The following EGFR variants were observed in gnomAD, a reference collection of about 807,000 sequenced individuals.
The protein encoded by EGFR is epidermal growth factor receptor.
EGFR carries 58 observed loss-of-function variants against 143.0 expected under a neutral mutation model. That is an observed-to-expected ratio of 0.41 (90% CI 0.33 to 0.50). EGFR has a LOEUF of 0.50. Ranked by LOEUF, EGFR falls within the 20% of genes least tolerant of loss-of-function variation. The pLI is 0.39. For synonymous variants in EGFR, 613 were observed against 594.4 expected, an observed-to-expected ratio of 1.03 and a Z score of -0.45; for missense variants, 1,307 against 1,579.0, an observed-to-expected ratio of 0.83 and a Z score of 2.92.
At chr7:55,176,546 C>A (rs1270909698) in intron 19 of EGFR, among the ~76,000 whole-genome samples, 2 of 151,860 alleles carry the variant, frequency 1.3e-5, no homozygotes, top group African/African-American at 4.8e-5. Flanking sequence ...ATACTGAGAC[C>A]CAGTCTCTAC....
chr7:55,115,440 C>T (rs553264884), intron 1 of EGFR, among the ~76,000 whole-genome samples: 97 of 152,220 alleles, frequency 6.4e-4, no homozygotes, highest in African/African-American at 2.3e-3. Flanking sequence ...TTCATGAGTT[C>T]GTTTTAACAT....
chr7:55,030,273 G>A (rs1245683184), intron 1 of EGFR, among the ~76,000 whole-genome samples: 2 of 152,206 alleles, frequency 1.3e-5, no homozygotes, highest in African/African-American at 4.8e-5. Context: ...GCTAAATAAA[G>A]TATTCCTCAA....
At chr7:55,089,017 G>T (rs1790939150) in intron 1 of EGFR, among the ~76,000 whole-genome samples, 1 of 152,188 alleles carries the variant, frequency 6.6e-6, no homozygotes, top group Non-Finnish European at 1.5e-5. Flanking sequence ...AGTTGTGGAA[G>T]AATCCTTCCA....
intron 1 of EGFR, among the ~76,000 whole-genome samples, chr7:55,102,091 C>T (rs557624648): frequency 2.0e-5 from 3 of 152,252 alleles, no homozygotes; most frequent in East Asian, 1.9e-4. Flanking sequence ...CCTCTCTGAA[C>T]GTGTTCCCTG....
intron 4 of EGFR, among the ~76,000 whole-genome samples, chr7:55,147,684 T>A (rs981003232): frequency 1.3e-5 from 2 of 152,230 alleles, no homozygotes; most frequent in Non-Finnish European, 2.9e-5. Flanking sequence ...GCATTATACA[T>A]CCACATGGGT....
chr7:55,143,340 C>T lies in EGFR; in HGVS notation c.276C>T (p.Ala92=), dbSNP rs1213870405. 3.7e-6 allele frequency: 6 copies of T among 1,614,192 alleles called. No individual in the cohort carries two copies. The highest frequency in any genetic ancestry group is 5.1e-6 in the Non-Finnish European group (6 of 1,180,044). Residue 92 remains alanine (A), a synonymous_variant, in exon 3 of 28, where the codon GCC becomes GCT. Transcript: ENST00000275493. ...IQEVAGYVLI[A]LNTVERIPLE... is the part of the protein sequence containing the mutation. ...AGGTGGCTGGTTATGTCCTCATTGCCCTCAACACAGTGGAGCGAATTCCTT... is the reference window on the plus strand; with the variant it reads ...AGGTGGCTGGTTATGTCCTCATTGCTCTCAACACAGTGGAGCGAATTCCTT...
chr7:55,204,376 C>T (rs1423575023), intron 27 of EGFR, among the ~76,000 whole-genome samples: 1 of 149,048 alleles, frequency 6.7e-6, no homozygotes, highest in Non-Finnish European at 1.5e-5. Flanking sequence ...ACCACACAGA[C>T]ACCACACATG....
Position 55,206,502 on chromosome 7 carries a change from G to A in EGFR, c.*885G>A, listed in dbSNP as rs1310676354. 8.6e-6 allele frequency: 2 copies of A among 233,186 alleles called. No individual in the cohort carries two copies. Among genetic ancestry groups the A allele is most frequent in the African/African-American group, 2.2e-5 (1 of 45,336 alleles). The allele number at this position is 233,186 out of a possible 1,614,324, so 14.4% of individuals were successfully genotyped here. A position where few individuals can be genotyped will look rare whatever the true frequency, so the allele number is the denominator to read the frequency against. On this transcript the variant is annotated 3_prime_UTR_variant, in exon 28 of 28. Transcript: ENST00000275493. ...GCATTTGGACCAATAGCCCACAGCT[G>A]AGAATGTGGAATACCTAAGGATAGC...
At chr7:55,037,937 G>T (rs149455353) in intron 1 of EGFR, among the ~76,000 whole-genome samples, 2 of 152,288 alleles carry the variant, frequency 1.3e-5, no homozygotes, top group African/African-American at 4.8e-5. Context: ...GGCACGCCGC[G>T]ATTCCACTCC....
intron 15 of EGFR, chr7:55,170,375 ATGATGGCAG>A: frequency 6.2e-7 from 1 of 1,614,212 alleles, no homozygotes; most frequent in East Asian, 2.2e-5. Flanking sequence ...AATCAAAGTA[ATGATGGCAG>A]CGTGTCCCAC....
chr7:55,029,217 A>T lies in EGFR; in HGVS notation c.88+9852A>T, dbSNP rs577429075. Reference sequence around the variant, plus strand: ...TGTGTCACCTGTTGTTTTTTAATGTACTAATTTTGAGAGGCTTTTAAATAG... The same window carrying T: ...TGTGTCACCTGTTGTTTTTTAATGTTCTAATTTTGAGAGGCTTTTAAATAG... On this transcript the variant is annotated intron_variant, in intron 1 of 27. Coordinates refer to ENST00000275493, the MANE Select transcript of EGFR (RefSeq NM_005228.5). Among the ~76,000 whole-genome samples the T allele has an allele frequency of 9.5e-4, 145 of 152,352 alleles. 1 individual carries two copies. Among genetic ancestry groups the T allele is most frequent in the African/African-American group, 3.3e-3 (139 of 41,588 alleles).
intron 1 of EGFR, among the ~76,000 whole-genome samples, chr7:55,026,801 G>A (rs762820984): frequency 3.4e-4 from 51 of 151,612 alleles, no homozygotes; most frequent in Middle Eastern, 3.4e-3. Context: ...AAGAGAAAGC[G>A]CTCTTGACCA....
intron 1 of EGFR, among the ~76,000 whole-genome samples, chr7:55,079,712 T>C (rs1374202291): frequency 1.3e-5 from 2 of 152,136 alleles, no homozygotes; most frequent in Non-Finnish European, 2.9e-5. Flanking sequence ...GCCTGCTGGC[T>C]TCATAGCTCT....
intron 1 of EGFR, among the ~76,000 whole-genome samples, chr7:55,061,948 C>T (rs772718575): frequency 2.6e-5 from 4 of 152,156 alleles, no homozygotes; most frequent in Non-Finnish European, 5.9e-5. Context: ...GCTTGAGGTT[C>T]GCTCATCGCT....
chr7:55,099,212 A>G (rs921104923), intron 1 of EGFR, among the ~76,000 whole-genome samples: 1 of 152,190 alleles, frequency 6.6e-6, no homozygotes, highest in Non-Finnish European at 1.5e-5. Context: ...CATGCCCAGA[A>G]TGCTACAAAG....
chr7:55,091,655 C>T (rs1791121068), intron 1 of EGFR, among the ~76,000 whole-genome samples: 1 of 152,132 alleles, frequency 6.6e-6, no homozygotes, highest in Admixed American at 6.5e-5. Context: ...GTCCCTACTA[C>T]ATTCTAAAAT....
At chr7:55,203,756 A>G (rs1787978809) in intron 27 of EGFR, among the ~76,000 whole-genome samples, 1 of 151,088 alleles carries the variant, frequency 6.6e-6, no homozygotes, top group African/African-American at 2.4e-5. Flanking sequence ...ACACATTAAC[A>G]CACCACATAC....
intron 1 of EGFR, among the ~76,000 whole-genome samples, chr7:55,081,748 TTC>T (rs1028150403): frequency 3.3e-5 from 5 of 152,046 alleles, no homozygotes; most frequent in African/African-American, 1.2e-4. Flanking sequence ...GCAAGCTTTT[TTC>T]TCTCTCCAAA....
chr7:55,170,600 C>T (rs1481482102), intron 15 of EGFR: 5 of 1,607,394 alleles, frequency 3.1e-6, no homozygotes, highest in South Asian at 2.2e-5. Context: ...CACCCCTGCA[C>T]GTGGGCCGCC....
Sources: gnomAD v4.1 joint callset for allele counts (sites outside exome capture counted in the v4.1 genomes callset) on GRCh38, gnomAD v4.1.1 for gene constraint, MANE v1.5 for transcripts, NCBI Gene and HGNC (gene_info 2026-07-23, HGNC 2026-07-21) for gene names.